The following KSR2 variants were observed in gnomAD, a reference collection of about 807,000 sequenced individuals.
The protein encoded by KSR2 is kinase suppressor of ras 2.
Under a neutral mutation model 107.8 loss-of-function variants are expected in KSR2, and 25 were observed. The observed-to-expected ratio is 0.23, with a 90% CI of 0.17 to 0.32. KSR2 has a LOEUF of 0.32. KSR2 is among the 10% of genes least tolerant of loss of function. KSR2 has a pLI of 1.00. For missense variants in KSR2, 887 were observed against 1,268.9 expected, an observed-to-expected ratio of 0.70 and a Z score of 4.57; for synonymous variants, 480 against 507.0, an observed-to-expected ratio of 0.95 and a Z score of 0.71.
At chr12:117,555,053 A>T (rs1877564281) in intron 9 of KSR2, 116 bp downstream of exon 9, 5 of 1,228,164 alleles carry the variant, frequency 4.1e-6, no homozygotes, top group South Asian at 2.8e-5. Context: ...GAATTAGGGG[A>T]GCCGAGACGG....
intron 5 of KSR2, among the ~76,000 whole-genome samples, chr12:117,659,651 G>A (rs1884340168): frequency 1.3e-5 from 2 of 152,082 alleles, no homozygotes. Flanking sequence ...TATAGCCCTG[G>A]GCAAGTCCTT....
chr12:117,598,599 C>A (rs897034943), intron 5 of KSR2, among the ~76,000 whole-genome samples: 1 of 152,030 alleles, frequency 6.6e-6, no homozygotes, highest in Non-Finnish European at 1.5e-5. Flanking sequence ...AAAAGTGTTC[C>A]GTTTTCACCA....
intron 4 of KSR2, among the ~76,000 whole-genome samples, chr12:117,740,482 TA>T (rs1230529926): frequency 3.2e-5 from 4 of 126,730 alleles, no homozygotes; most frequent in African/African-American, 1.1e-4. Flanking sequence ...ATATATAACA[TA>T]TAATATATAT....
chr12:117,536,377 G>C (rs552410249), intron 10 of KSR2, among the ~76,000 whole-genome samples: 13 of 152,062 alleles, frequency 8.5e-5, no homozygotes, highest in African/African-American at 2.4e-5. Context: ...TAAGACACAG[G>C]GTAGGCCCAA....
At chr12:117,596,227 C>G (rs543018398) in intron 5 of KSR2, among the ~76,000 whole-genome samples, 3 of 152,288 alleles carry the variant, frequency 2.0e-5, no homozygotes, top group East Asian at 3.9e-4. Context: ...GCAGGCAAGA[C>G]AGAATGTGTG....
At chr12:117,763,727 G>A (rs1474201347) in intron 3 of KSR2, among the ~76,000 whole-genome samples, 2 of 152,156 alleles carry the variant, frequency 1.3e-5, no homozygotes, top group East Asian at 1.9e-4. Context: ...TTGAGGCAGG[G>A]GAGGCATGGA....
chr12:117,964,107 G>A (rs913667244), intron 1 of KSR2, among the ~76,000 whole-genome samples: 1 of 152,158 alleles, frequency 6.6e-6, no homozygotes, highest in Non-Finnish European at 1.5e-5. Flanking sequence ...GCAAAAGCTC[G>A]TCTCTACTAA....
In KSR2 at chr12:117,576,121, C is replaced by T. The variant is rs1414894369; in HGVS notation, c.1325+2998G>A. 2.6e-5 allele frequency among the ~76,000 whole-genome samples: 4 copies of T among 152,204 alleles called. No homozygotes were observed. In the South Asian group the frequency reaches 6.2e-4, roughly 24 times the overall value. On this transcript the variant is annotated intron_variant, in intron 7 of 19. Transcript: ENST00000339824. Reference sequence around the variant, plus strand: ...TTAGAACAGAGAGCACTAGCAAAGGCTACTTCTGAGTTCTGCCTCTAGTGC... The same window carrying T: ...TTAGAACAGAGAGCACTAGCAAAGGTTACTTCTGAGTTCTGCCTCTAGTGC...
rs1378699573 is a variant in KSR2 at position 117,464,586 on chromosome 12, C to T, written c.*2613G>A. ...AGGGAAAGCAGCGGTTTGGTTCTTC[C>T]TGGATTTAAATGTGTGCAAATTAAA... is the stretch of plus-strand genomic sequence containing the variant. On this transcript the variant is annotated 3_prime_UTR_variant, in exon 20 of 20. Coordinates refer to ENST00000339824, the MANE Select transcript of KSR2 (RefSeq NM_173598.6). The T allele has an allele frequency of 1.3e-5, 2 of 152,204 alleles. No homozygotes were observed. Among genetic ancestry groups the T allele is most frequent in the African/African-American group, 4.8e-5 (2 of 41,438 alleles). 9.4% of individuals were successfully genotyped at this position (152,204 alleles called of 1,614,324 possible). A position where few individuals can be genotyped will look rare whatever the true frequency, so the allele number is the denominator to read the frequency against.
intron 1 of KSR2, among the ~76,000 whole-genome samples, chr12:117,958,916 G>A (rs776411606): frequency 5.8e-5 from 2 of 34,446 alleles, no homozygotes; most frequent in Non-Finnish European, 1.4e-4. Context: ...AAGACCTAGT[G>A]TTGAACAAAC....
Position 117,847,813 on chromosome 12 carries a change from T to C in KSR2, c.472+7615A>G, listed in dbSNP as rs118007176. 1.6e-4 allele frequency among the ~76,000 whole-genome samples: 25 copies of C among 152,270 alleles called. No individual in the cohort carries two copies. The East Asian group carries it at 4.9e-3, about 30-fold the overall frequency. On this transcript the variant is annotated intron_variant, in intron 3 of 19. Transcript: ENST00000339824. ...CCTCCCTCCCGTCCCAAGGCACTTC[T>C]GAGTGTTCCCATCACTCCCAGTCAT...
At chr12:117,616,819 CT>C (rs1347914797) in intron 5 of KSR2, among the ~76,000 whole-genome samples, 2 of 152,208 alleles carry the variant, frequency 1.3e-5, no homozygotes, top group African/African-American at 2.4e-5. Context: ...TAGGAAACAA[CT>C]TGAAATATCT....
intron 4 of KSR2, among the ~76,000 whole-genome samples, chr12:117,725,084 T>TCA (rs35413272): frequency 0.024 from 2,870 of 121,516 alleles, 44 homozygotes; most frequent in East Asian, 0.071. Flanking sequence ...TCTCTCTCTC[T>TCA]CACACACACA....
At chr12:117,481,879 G>A (rs1193987881) in intron 16 of KSR2, among the ~76,000 whole-genome samples, 2 of 152,136 alleles carry the variant, frequency 1.3e-5, no homozygotes, top group Admixed American at 6.5e-5. Context: ...GGGGCTCCAG[G>A]CTGCAATGGG....
intron 7 of KSR2, among the ~76,000 whole-genome samples, chr12:117,570,434 A>G (rs1329695938): frequency 6.6e-6 from 1 of 152,194 alleles, no homozygotes; most frequent in Non-Finnish European, 1.5e-5. Context: ...CCAAATGCCA[A>G]TAGTGCCAAG....
At chr12:117,669,897 T>A (rs1327654433) in intron 4 of KSR2, among the ~76,000 whole-genome samples, 1 of 151,922 alleles carries the variant, frequency 6.6e-6, no homozygotes, top group Non-Finnish European at 1.5e-5. Flanking sequence ...ATAATAAAAT[T>A]TAAAAATGAT....
chr12:117,570,389 A>G (rs1242655141), intron 7 of KSR2, among the ~76,000 whole-genome samples: 1 of 152,130 alleles, frequency 6.6e-6, no homozygotes, highest in Non-Finnish European at 1.5e-5. Flanking sequence ...TCCTCCAACG[A>G]CAGGACAGCC....
At chr12:117,646,253 G>A (rs549895267) in intron 5 of KSR2, among the ~76,000 whole-genome samples, 260 of 152,244 alleles carry the variant, frequency 1.7e-3, no homozygotes, top group African/African-American at 6.0e-3. Flanking sequence ...AATACAGAGG[G>A]CCAGGGCTAT....
intron 4 of KSR2, among the ~76,000 whole-genome samples, chr12:117,697,689 G>A (rs111483609): frequency 0.046 from 6,817 of 148,596 alleles, 212 homozygotes; most frequent in Middle Eastern, 0.059. Context: ...GCAGTCAGCC[G>A]AGATCGCGCC....
Sources: gnomAD v4.1 joint callset for allele counts (sites outside exome capture counted in the v4.1 genomes callset) on GRCh38, gnomAD v4.1.1 for gene constraint, MANE v1.5 for transcripts, NCBI Gene and HGNC (gene_info 2026-07-23, HGNC 2026-07-21) for gene names.